The following CRLS1 variants were observed in gnomAD, a reference collection of about 807,000 sequenced individuals.
The protein encoded by CRLS1 is cardiolipin synthase 1, also known as cardiolipin synthase (CMP-forming).
A neutral mutation model predicts 37.0 loss-of-function variants in CRLS1; 24 were observed. That is an observed-to-expected ratio of 0.65 (90% CI 0.47 to 0.91). The LOEUF (loss-of-function observed/expected upper bound fraction) is 0.91. Ranked by LOEUF, CRLS1 falls within the 40% of genes least tolerant of loss-of-function variation. CRLS1 has a pLI of 0.00. For missense variants in CRLS1, 373 were observed against 395.8 expected (o/e 0.94, Z 0.49); for synonymous variants, 135 against 159.7 (o/e 0.85, Z 1.17).
rs1980815672 is a variant in CRLS1 at position 6,039,434 on chromosome 20, A to G, written c.*2276A>G. On this transcript the variant is annotated 3_prime_UTR_variant, in exon 7 of 7. Transcript: ENST00000378863. Reference sequence around the variant, plus strand: ...TATGATGAAACTAGGGATCTACCTTAAAGTTTTGGGAAGCTCTTTCAAAAC... The same window carrying G: ...TATGATGAAACTAGGGATCTACCTTGAAGTTTTGGGAAGCTCTTTCAAAAC... 6.6e-6 allele frequency: 1 copy of G among 152,154 alleles called. No individual in the cohort carries two copies. Among genetic ancestry groups the G allele is most frequent in the Non-Finnish European group, 1.5e-5 (1 of 68,018 alleles). 9.4% of individuals were successfully genotyped at this position (152,154 alleles called of 1,614,324 possible). A position where few individuals can be genotyped will look rare whatever the true frequency, so the allele number is the denominator to read the frequency against.
At chr20:6,029,980 G>C (rs191896865) in intron 3 of CRLS1, among the ~76,000 whole-genome samples, 39 of 152,278 alleles carry the variant, frequency 2.6e-4, no homozygotes, top group African/African-American at 8.9e-4. Context: ...AAACTGGAGA[G>C]GACCATAAGT....
intron 3 of CRLS1, among the ~76,000 whole-genome samples, chr20:6,030,293 A>G (rs1980055507): frequency 6.6e-6 from 1 of 152,146 alleles, no homozygotes; most frequent in Non-Finnish European, 1.5e-5. Context: ...ATTTTAAAAT[A>G]TCCTTCTATT....
At position 6,032,092 on chromosome 20, in the gene CRLS1, C is replaced by G. The variant is rs760421449; in HGVS notation, c.729+12C>G. On this transcript the variant is annotated intron_variant, in intron 5 of 6. Transcript: ENST00000378863. ...CATTCATCAGCAAGGTAAGAGAATG[C>G]AATGTTCTTTGAAGTTATTCCTTTG... The G allele has an allele frequency of 1.9e-6, 3 of 1,592,082 alleles. No homozygotes were observed. In the East Asian group the frequency reaches 6.7e-5, roughly 36 times the overall value.
At position 6,037,765 on chromosome 20, in the gene CRLS1, C is replaced by T. The variant is rs1461571144; in HGVS notation, c.*607C>T. 1 of 152,116 alleles carries T rather than the reference C, an allele frequency of 6.6e-6. No homozygotes were observed. The highest frequency in any genetic ancestry group is 1.9e-4 in the East Asian group (1 of 5,196). 9.4% of individuals were successfully genotyped at this position (152,116 alleles called of 1,614,324 possible). On this transcript the variant is annotated 3_prime_UTR_variant, in exon 7 of 7. Coordinates refer to ENST00000378863, the MANE Select transcript of CRLS1 (RefSeq NM_019095.6). ...ATGAAGTTCATTTTCGGTAGTCTTCCAACCTCTCAGGTGCCTAATAATTTA... is the reference window on the plus strand; with the variant it reads ...ATGAAGTTCATTTTCGGTAGTCTTCTAACCTCTCAGGTGCCTAATAATTTA...
chr20:6,029,472 C>A (rs1285382478), intron 3 of CRLS1, among the ~76,000 whole-genome samples: 2 of 151,508 alleles, frequency 1.3e-5, no homozygotes, highest in Non-Finnish European at 2.9e-5. Flanking sequence ...AGCGATTCTC[C>A]TGCCTCAGCC....
intron 3 of CRLS1, among the ~76,000 whole-genome samples, chr20:6,024,053 A>G (rs2122984397): frequency 6.6e-6 from 1 of 152,094 alleles, no homozygotes; most frequent in Non-Finnish European, 1.5e-5. Flanking sequence ...CTTGGGCTCA[A>G]GGGATCCTCT....
chr20:6,022,201 G>C (rs1449300282), intron 3 of CRLS1, among the ~76,000 whole-genome samples: 1 of 151,940 alleles, frequency 6.6e-6, no homozygotes, highest in African/African-American at 2.4e-5. Context: ...TTTTTATTTT[G>C]CCTTTATTCT....
intron 1 of CRLS1, chr20:6,006,768 C>G (rs1051270862): frequency 1.9e-5 from 19 of 985,266 alleles, no homozygotes; most frequent in Non-Finnish European, 2.2e-5. Context: ...AGTTAGAAAT[C>G]CTCTCATCCC....
intron 3 of CRLS1, among the ~76,000 whole-genome samples, chr20:6,025,081 G>A (rs943250963): frequency 6.6e-6 from 1 of 152,210 alleles, no homozygotes; most frequent in Admixed American, 6.5e-5. Flanking sequence ...AGCTAATGAT[G>A]AGGGTGGCTA....
chr20:6,007,448 C>T (rs1307074815), intron 1 of CRLS1: 19 of 1,600,264 alleles, frequency 1.2e-5, no homozygotes, highest in Non-Finnish European at 1.4e-5. Flanking sequence ...GCTCTCCTAA[C>T]ATTAACTTTG....
intron 6 of CRLS1, among the ~76,000 whole-genome samples, chr20:6,036,302 A>G (rs1273237745): frequency 6.6e-6 from 1 of 152,212 alleles, no homozygotes; most frequent in Non-Finnish European, 1.5e-5. Flanking sequence ...GTATGAATTT[A>G]GAATATCAAA....
At chr20:6,015,265 A>G in intron 2 of CRLS1, 96 bp from the exon 3 acceptor site, 1 of 672,594 alleles carries the variant, frequency 1.5e-6, no homozygotes, top group African/African-American at 1.8e-5. Flanking sequence ...ATTTTATGAG[A>G]GTATAATTGT....
intron 3 of CRLS1, among the ~76,000 whole-genome samples, chr20:6,024,424 C>T (rs1459918294): frequency 1.3e-5 from 2 of 152,168 alleles, no homozygotes; most frequent in African/African-American, 4.8e-5. Flanking sequence ...TTCCAAAATC[C>T]TGTTAATCAA....
chr20:6,023,269 T>A (rs2122980463), intron 3 of CRLS1: 1 of 152,358 alleles, frequency 6.6e-6, no homozygotes, highest in East Asian at 1.9e-4. Context: ...ATTTTAATTC[T>A]TCGTTATTTT....
At position 6,009,998 on chromosome 20, in the gene CRLS1, T is replaced by C; in HGVS notation, c.444+86T>C. On this transcript the variant is annotated intron_variant, in intron 2 of 6. Coordinates refer to ENST00000378863, the MANE Select transcript of CRLS1 (RefSeq NM_019095.6). ...CCGAAATAGCATAGCCTTAGCCTGC[T>C]TTTCCTTGGGAGGAAAACCTCAAGA... 3 of 1,311,212 alleles carry C rather than the reference T, an allele frequency of 2.3e-6. No homozygotes were observed. In the Admixed American group the frequency reaches 8.1e-5, roughly 35 times the overall value. The allele number at this position is 1,311,212 out of a possible 1,614,324, so 81.2% of individuals were successfully genotyped here. A position where few individuals can be genotyped will look rare whatever the true frequency, so the allele number is the denominator to read the frequency against.
At chr20:6,007,538 C>A (rs1265283134) in intron 1 of CRLS1, 4 of 893,334 alleles carry the variant, frequency 4.5e-6, no homozygotes, top group Non-Finnish European at 7.2e-6. Context: ...AAAGAACTCC[C>A]TTCACTGTTC....
intron 5 of CRLS1, among the ~76,000 whole-genome samples, chr20:6,033,287 G>A (rs1455232359): frequency 7.3e-5 from 11 of 151,288 alleles, no homozygotes; most frequent in Non-Finnish European, 1.6e-4. Flanking sequence ...GCGCCACCAC[G>A]CCCAGCTAAT....
intron 2 of CRLS1, among the ~76,000 whole-genome samples, chr20:6,011,462 A>G (rs1026561814): frequency 6.6e-6 from 1 of 151,136 alleles, no homozygotes; most frequent in East Asian, 1.9e-4. Context: ...TGCTTCAAAC[A>G]TAGCCTCCCA....
At chr20:6,025,777 T>C (rs778958682) in intron 3 of CRLS1, among the ~76,000 whole-genome samples, 3 of 152,170 alleles carry the variant, frequency 2.0e-5, no homozygotes, top group Non-Finnish European at 2.9e-5. Context: ...ACATGGATGA[T>C]TTGAGGGGTT....
Sources: allele counts gnomAD v4.1 joint callset (sites outside exome capture counted in the v4.1 genomes callset), GRCh38; gene constraint gnomAD v4.1.1; transcripts MANE v1.5; gene names NCBI Gene and HGNC (gene_info 2026-07-23, HGNC 2026-07-21).